The following PTPRD variants were observed in gnomAD, a reference collection of about 807,000 sequenced individuals.
PTPRD encodes the protein protein tyrosine phosphatase receptor type D.
PTPRD carries 34 observed loss-of-function variants against 214.5 expected under a neutral mutation model. That is an observed-to-expected ratio of 0.16 (90% CI 0.12 to 0.21). The LOEUF (loss-of-function observed/expected upper bound fraction) is 0.21. Ranked by LOEUF, PTPRD falls within the 10% of genes least tolerant of loss-of-function variation. The pLI is 1.00. For synonymous variants in PTPRD, 1,128 were observed against 845.7 expected (o/e 1.33, Z -5.79); for missense variants, 2,545 against 2,398.7 (o/e 1.06, Z -1.27).
intron 14 of PTPRD, among the ~76,000 whole-genome samples, chr9:8,624,958 A>C (rs140118488): frequency 1.3e-5 from 2 of 151,812 alleles, no homozygotes; most frequent in African/African-American, 4.8e-5. Context: ...TGGTCTCTTA[A>C]TGCATTGTAT....
chr9:8,805,237 G>C (rs541723482), intron 11 of PTPRD, among the ~76,000 whole-genome samples: 19 of 152,242 alleles, frequency 1.2e-4, no homozygotes, highest in African/African-American at 4.1e-4. Context: ...AATTACAGTA[G>C]GAAAACTAAA....
intron 3 of PTPRD, among the ~76,000 whole-genome samples, chr9:10,251,832 T>C (rs974726629): frequency 1.3e-5 from 2 of 152,196 alleles, no homozygotes; most frequent in African/African-American, 4.8e-5. Flanking sequence ...AATAGTAGAA[T>C]GATGGTTACC....
chr9:10,427,757 C>T (rs1426398440), intron 2 of PTPRD, among the ~76,000 whole-genome samples: 1 of 152,000 alleles, frequency 6.6e-6, no homozygotes, highest in East Asian at 1.9e-4. Context: ...GAAAAATCAA[C>T]CCACTGGGGT....
chr9:9,386,256 C>G (rs1313366831), intron 9 of PTPRD, among the ~76,000 whole-genome samples: 2 of 152,122 alleles, frequency 1.3e-5, no homozygotes, highest in African/African-American at 4.8e-5. Context: ...AGGCATGAGT[C>G]TACAGACTCA....
chr9:10,442,671 T>C (rs1048970586), intron 2 of PTPRD, among the ~76,000 whole-genome samples: 2 of 151,526 alleles, frequency 1.3e-5, no homozygotes, highest in Non-Finnish European at 3.0e-5. Flanking sequence ...AAATGTTCAT[T>C]TGAAAATTTG....
intron 9 of PTPRD, among the ~76,000 whole-genome samples, chr9:9,270,674 A>C (rs1942494811): frequency 6.6e-6 from 1 of 151,416 alleles, no homozygotes; most frequent in African/African-American, 2.4e-5. Flanking sequence ...GATCTTATTT[A>C]TGTTATAGAA....
At chr9:9,948,265 T>A (rs985885985) in intron 4 of PTPRD, among the ~76,000 whole-genome samples, 10 of 152,064 alleles carry the variant, frequency 6.6e-5, no homozygotes, top group African/African-American at 2.4e-4. Flanking sequence ...CCATTCTCTA[T>A]CAACACGACT....
chr9:10,579,964 C>T (rs949584767), intron 2 of PTPRD, among the ~76,000 whole-genome samples: 1 of 151,788 alleles, frequency 6.6e-6, no homozygotes, highest in African/African-American at 2.4e-5. Flanking sequence ...TTGTTTTTTG[C>T]GTGTTGAATT....
In PTPRD at chr9:8,738,240, G is replaced by C. The variant is rs77359919; in HGVS notation, c.-103-4294C>G. 6.0e-4 allele frequency among the ~76,000 whole-genome samples: 91 copies of C among 152,146 alleles called. No homozygotes were observed. In the East Asian group the frequency reaches 0.017, roughly 28 times the overall value. On this transcript the variant is annotated intron_variant, in intron 11 of 45. Coordinates refer to ENST00000381196, the MANE Select transcript of PTPRD (RefSeq NM_002839.4). Reference sequence around the variant, plus strand: ...TTGCCTAAAAGCCTTAACAAATCACGGTTTCAAGCGATCACATAAAGTGAC... The same window carrying C: ...TTGCCTAAAAGCCTTAACAAATCACCGTTTCAAGCGATCACATAAAGTGAC...
At chr9:10,511,380 C>T (rs1057053061) in intron 2 of PTPRD, among the ~76,000 whole-genome samples, 6 of 151,756 alleles carry the variant, frequency 4.0e-5, no homozygotes, top group South Asian at 2.1e-4. Flanking sequence ...TTTACCTCAC[C>T]GGCATTTGCT....
chr9:8,625,566 T>C (rs2095998007), intron 14 of PTPRD, among the ~76,000 whole-genome samples: 1 of 151,642 alleles, frequency 6.6e-6, no homozygotes, highest in Non-Finnish European at 1.5e-5. Context: ...TCTGGGAAAA[T>C]ACAAACTATG....
intron 39 of PTPRD, among the ~76,000 whole-genome samples, chr9:8,368,496 T>C (rs753824148): frequency 7.2e-5 from 11 of 152,080 alleles, no homozygotes; most frequent in Admixed American, 6.6e-4. Context: ...TGAAGTTAGA[T>C]AGTATTGTAT....
intron 5 of PTPRD, among the ~76,000 whole-genome samples, chr9:9,850,649 A>G (rs1479945361): frequency 6.6e-6 from 1 of 152,216 alleles, no homozygotes; most frequent in Non-Finnish European, 1.5e-5. Context: ...TAAGTAAATT[A>G]TGTATTGTAT....
At chr9:9,586,189 T>C (rs548733024) in intron 7 of PTPRD, among the ~76,000 whole-genome samples, 8 of 152,000 alleles carry the variant, frequency 5.3e-5, no homozygotes, top group Non-Finnish European at 1.2e-4. Flanking sequence ...ATCTCTCATA[T>C]TTCTTTTTCC....
At chr9:9,035,064 T>C (rs1335665175) in intron 10 of PTPRD, among the ~76,000 whole-genome samples, 1 of 152,082 alleles carries the variant, frequency 6.6e-6, no homozygotes, top group Non-Finnish European at 1.5e-5. Context: ...GGTGAGCTTT[T>C]GGAGTGTGGG....
chr9:9,402,966 G>GAA (rs1555359331), intron 8 of PTPRD, among the ~76,000 whole-genome samples: 54 of 78,514 alleles, frequency 6.9e-4, no homozygotes, highest in African/African-American at 1.9e-3. Flanking sequence ...CTAATAGGGA[G>GAA]AAAAAAAAAA....
intron 39 of PTPRD, among the ~76,000 whole-genome samples, chr9:8,354,776 G>A (rs2076546245): frequency 6.6e-6 from 1 of 152,136 alleles, no homozygotes; most frequent in South Asian, 2.1e-4. Context: ...GTTTTACTAT[G>A]AACAGATGAC....
intron 10 of PTPRD, among the ~76,000 whole-genome samples, chr9:9,151,433 C>T (rs569174697): frequency 2.0e-5 from 3 of 152,234 alleles, no homozygotes; most frequent in South Asian, 2.1e-4. Flanking sequence ...CTGATGTCCC[C>T]CAGGCTGCAG....
chr9:9,892,660 G>T lies in PTPRD; in HGVS notation c.-368+45847C>A, dbSNP rs138588907. ...TGTATTTTAAAGGATCCTAAAATCT[G>T]CTGGTCAAAGACAGACTTTGGTGAT... On this transcript the variant is annotated intron_variant, in intron 5 of 45. Coordinates refer to ENST00000381196, the MANE Select transcript of PTPRD (RefSeq NM_002839.4). Among the ~76,000 whole-genome samples the T allele has an allele frequency of 2.2e-3, 338 of 152,020 alleles. 1 individual carries two copies. The highest frequency in any genetic ancestry group is 7.9e-3 in the African/African-American group (327 of 41,476).
Sources: gnomAD v4.1 joint callset for allele counts (sites outside exome capture counted in the v4.1 genomes callset) on GRCh38, gnomAD v4.1.1 for gene constraint, MANE v1.5 for transcripts, NCBI Gene and HGNC (gene_info 2026-07-23, HGNC 2026-07-21) for gene names.